ALDH1A2: variants seen among roughly 807,000 people sequenced by gnomAD.
ALDH1A2 encodes aldehyde dehydrogenase 1 family member A2.
In ALDH1A2, 27 loss-of-function variants were observed where a neutral mutation model predicts 60.3. The observed-to-expected ratio is 0.45, with a 90% CI of 0.33 to 0.62. ALDH1A2 has a LOEUF of 0.62. Ranked by LOEUF, ALDH1A2 falls within the 20% of genes least tolerant of loss-of-function variation. The pLI is 0.02. For missense variants in ALDH1A2, 581 were observed against 643.8 expected, an observed-to-expected ratio of 0.90 and a Z score of 1.06; for synonymous variants, 289 against 232.4, an observed-to-expected ratio of 1.24 and a Z score of -2.21.
chr15:58,002,813 T>C (rs1364828475), intron 4 of ALDH1A2, among the ~76,000 whole-genome samples: 4 of 151,958 alleles, frequency 2.6e-5, no homozygotes, highest in African/African-American at 7.2e-5. Flanking sequence ...GGCAATTCTT[T>C]GATGACCACA....
chr15:58,046,986 G>T (rs144501693), intron 1 of ALDH1A2, among the ~76,000 whole-genome samples: 23 of 152,132 alleles, frequency 1.5e-4, no homozygotes, highest in African/African-American at 4.8e-4. Context: ...TAGCCATACA[G>T]CCTGCCTTGC....
At position 58,010,595 on chromosome 15, in the gene ALDH1A2, C is replaced by T. The variant is rs140075793; in HGVS notation, c.493+54G>A. The T allele has an allele frequency of 4.8e-4, 775 of 1,604,998 alleles. 3 individuals are homozygous for T. In the African/African-American group the frequency reaches 9.3e-3, roughly 19 times the overall value. On this transcript the variant is annotated intron_variant, in intron 4 of 12. Transcript: ENST00000249750. ...TGCTGTTTGTGTTTGGTGGCCAAAG[C>T]GCATTTCTGGTGGTTTCACGTTTTC...
intron 1 of ALDH1A2, chr15:58,036,661 T>C (rs1398782724): frequency 6.6e-6 from 1 of 151,520 alleles, no homozygotes; most frequent in Non-Finnish European, 1.5e-5. Context: ...GAGCATGAAA[T>C]TGTAAGTACG....
chr15:57,974,577 C>T (rs769948708), intron 7 of ALDH1A2, among the ~76,000 whole-genome samples: 1 of 151,238 alleles, frequency 6.6e-6, no homozygotes, highest in Non-Finnish European at 1.5e-5. Context: ...TGTCATTATC[C>T]ATCTATCTAG....
chr15:57,996,503 CTTT>C lies in ALDH1A2; in HGVS notation c.494-1367_494-1365del, dbSNP rs76510714. Among the ~76,000 whole-genome samples, 465 of 139,650 alleles carry C rather than the reference CTTT, an allele frequency of 3.3e-3. 4 individuals are homozygous for C. Among genetic ancestry groups the C allele is most frequent in the African/African-American group, 0.012 (444 of 38,254 alleles). The allele number at this position is 139,650 out of a possible 152,430, so 91.6% of individuals were successfully genotyped here. ...AGTCTTTTATATTTTGTTTTTCCCTCTTTTTTTTTTTTTTCCTGTAAAGCTAGG... is the reference window on the plus strand; with the variant it reads ...AGTCTTTTATATTTTGTTTTTCCCTCTTTTTTTTTTTCCTGTAAAGCTAGG... On this transcript the variant is annotated intron_variant, in intron 4 of 12. Coordinates refer to ENST00000249750, the MANE Select transcript of ALDH1A2 (RefSeq NM_003888.4).
intron 4 of ALDH1A2, among the ~76,000 whole-genome samples, chr15:57,998,300 C>G (rs1895135674): frequency 6.6e-6 from 1 of 152,028 alleles, no homozygotes; most frequent in Non-Finnish European, 1.5e-5. Context: ...ATCTAGAAAA[C>G]CCCATTGTCT....
At chr15:57,973,958 C>CTT (rs1894153809) in intron 7 of ALDH1A2, among the ~76,000 whole-genome samples, 1 of 152,146 alleles carries the variant, frequency 6.6e-6, no homozygotes, top group Admixed American at 6.5e-5. Flanking sequence ...CAAATTCTCC[C>CTT]TTCTCTCTCT....
intron 1 of ALDH1A2, among the ~76,000 whole-genome samples, chr15:58,059,065 A>AT (rs1223019354): frequency 6.6e-6 from 1 of 152,204 alleles, no homozygotes; most frequent in African/African-American, 2.4e-5. Context: ...AAGCTCTAAG[A>AT]TTTTGAAGGA....
chr15:58,057,955 A>AATTAAATAATACAATTATATTATC (rs1896937631), intron 1 of ALDH1A2: 1 of 899,160 alleles, frequency 1.1e-6, no homozygotes, highest in African/African-American at 1.7e-5. Flanking sequence ...TTTATAATAA[A>AATTAAATAATACAATTATATTATC]ATTAAATAAT....
At chr15:58,009,310 G>A (rs1895554827) in intron 4 of ALDH1A2, among the ~76,000 whole-genome samples, 1 of 151,796 alleles carries the variant, frequency 6.6e-6, no homozygotes, top group African/African-American at 2.4e-5. Flanking sequence ...CCCCACCCCA[G>A]ACTTATTCAG....
At position 57,992,830 on chromosome 15, in the gene ALDH1A2, G is replaced by C. The variant is rs192725446; in HGVS notation, c.685-12C>G. On this transcript the variant is annotated splice_polypyrimidine_tract_variant and intron_variant, in intron 6 of 12. Coordinates refer to ENST00000249750, the MANE Select transcript of ALDH1A2 (RefSeq NM_003888.4). The stretch of plus-strand genomic sequence containing the variant: ...GGAGGAAAGCCAGCCTAAGAAAACA[G>C]AACAGGAGGAAACGTGGCTGATGAA... The C allele has an allele frequency of 1.2e-6, 2 of 1,613,766 alleles. No homozygotes were observed. The highest frequency in any genetic ancestry group is 3.3e-5 in the Admixed American group (2 of 59,994).
intron 7 of ALDH1A2, among the ~76,000 whole-genome samples, chr15:57,991,992 A>T (rs1376126438): frequency 1.3e-5 from 2 of 152,158 alleles, no homozygotes; most frequent in Non-Finnish European, 2.9e-5. Context: ...GGTCAAATAT[A>T]CCCTGCTGTT....
chr15:58,061,552 C>T (rs537237054), intron 1 of ALDH1A2, among the ~76,000 whole-genome samples: 9 of 115,888 alleles, frequency 7.8e-5, no homozygotes, highest in East Asian at 2.3e-4. Flanking sequence ...TCCATGGTTG[C>T]GAGAGAAGCA....
At chr15:58,043,736 C>T (rs574775979) in intron 1 of ALDH1A2, among the ~76,000 whole-genome samples, 2 of 151,992 alleles carry the variant, frequency 1.3e-5, no homozygotes, top group African/African-American at 4.8e-5. Flanking sequence ...TGCCAAAAAA[C>T]GGTTTTTGTT....
At chr15:57,976,306 CT>C (rs1392974112) in intron 7 of ALDH1A2, among the ~76,000 whole-genome samples, 4 of 152,262 alleles carry the variant, frequency 2.6e-5, no homozygotes, top group South Asian at 2.1e-4. Context: ...TAAAATTATA[CT>C]TTGAATTCTG....
intron 7 of ALDH1A2, among the ~76,000 whole-genome samples, chr15:57,991,165 G>A (rs1271532623): frequency 3.3e-5 from 5 of 151,974 alleles, no homozygotes. Context: ...ATTCTATCTA[G>A]GTTTATATTT....
chr15:58,044,731 G>C (rs74018829), intron 1 of ALDH1A2, among the ~76,000 whole-genome samples: 2,150 of 152,010 alleles, frequency 0.014, 58 homozygotes, highest in African/African-American at 0.049. Context: ...ATAGCTTTGT[G>C]CTCTTCCAAC....
chr15:58,026,212 T>A (rs1465197260), intron 1 of ALDH1A2, among the ~76,000 whole-genome samples: 1 of 152,004 alleles, frequency 6.6e-6, no homozygotes, highest in Non-Finnish European at 1.5e-5. Context: ...CAACAGCACA[T>A]TGAAAAGATA....
At chr15:58,029,817 A>C (rs1319519548) in intron 1 of ALDH1A2, among the ~76,000 whole-genome samples, 2 of 152,152 alleles carry the variant, frequency 1.3e-5, no homozygotes, top group Non-Finnish European at 2.9e-5. Flanking sequence ...GGACACATAC[A>C]CCCTCCCAAG....
Sources: gnomAD v4.1 joint callset for allele counts (sites outside exome capture counted in the v4.1 genomes callset) on GRCh38, gnomAD v4.1.1 for gene constraint, MANE v1.5 for transcripts, NCBI Gene and HGNC (gene_info 2026-07-23, HGNC 2026-07-21) for gene names.